ERCC8: variants seen among roughly 807,000 people sequenced by gnomAD.
ERCC8 encodes ERCC excision repair 8, CSA ubiquitin ligase complex subunit, also known as DNA excision repair protein ERCC-8.
Under a neutral mutation model 54.9 loss-of-function variants are expected in ERCC8, and 52 were observed. The ratio of observed to expected loss-of-function variants is 0.95; its 90% CI spans 0.76 to 1.19. The LOEUF (loss-of-function observed/expected upper bound fraction) is 1.19, where lower values mean the gene tolerates loss of function less well. Ranked by LOEUF, ERCC8 falls within the 50% of genes most tolerant of loss-of-function variation. The pLI, the probability that ERCC8 is intolerant of heterozygous loss-of-function variation, is 0.00. For missense variants in ERCC8, 514 were observed against 466.1 expected, an observed-to-expected ratio of 1.10 and a Z score of -0.95; for synonymous variants, 146 against 157.2, an observed-to-expected ratio of 0.93 and a Z score of 0.53.
intron 3 of ERCC8, among the ~76,000 whole-genome samples, chr5:60,920,180 T>C (rs577589207): frequency 6.6e-6 from 1 of 152,068 alleles, no homozygotes; most frequent in Admixed American, 6.6e-5. Context: ...CTGACTTCTT[T>C]TGTTTTCTGC....
chr5:60,886,875 C>CA (rs1367408080), intron 11 of ERCC8, among the ~76,000 whole-genome samples: 2 of 151,764 alleles, frequency 1.3e-5, no homozygotes, highest in Non-Finnish European at 2.9e-5. Context: ...TTGATGTTTA[C>CA]AATAATCAAC....
rs1431486011 is a variant in ERCC8 at position 60,904,640 on chromosome 5, A to G, written c.481+152T>C. On this transcript the variant is annotated intron_variant, in intron 5 of 11. Coordinates refer to ENST00000676185, the MANE Select transcript of ERCC8 (RefSeq NM_000082.4). ...ATATATAGTGTGTGTGTGTGTATAT[A>G]TATATATATATATATATATATATAT... 7.8e-3 allele frequency: 307 copies of G among 39,302 alleles called. 3 individuals carry two copies. The highest frequency in any genetic ancestry group is 0.045 in the African/African-American group (249 of 5,494). The allele number at this position is 39,302 out of a possible 1,614,324, so 2.4% of individuals were successfully genotyped here. A position where few individuals can be genotyped will look rare whatever the true frequency, so the allele number is the denominator to read the frequency against.
chr5:60,892,918 T>A (rs1279896700), intron 9 of ERCC8: 6 of 742,064 alleles, frequency 8.1e-6, no homozygotes, highest in Admixed American at 7.3e-5. Flanking sequence ...TGGATGTGGG[T>A]GCGCATTTCA....
At chr5:60,904,974 TTGAC>T (rs953034082) in intron 4 of ERCC8, 101 bp from the exon 5 acceptor site, 2 of 605,614 alleles carry the variant, frequency 3.3e-6, no homozygotes, top group African/African-American at 3.7e-5. Flanking sequence ...TATTTTTAAA[TTGAC>T]TGTTAGCAAT....
chr5:60,919,397 A>C (rs1469995476), intron 3 of ERCC8: 1 of 151,892 alleles, frequency 6.6e-6, no homozygotes, highest in Non-Finnish European at 1.5e-5. Context: ...TTAACAGAAG[A>C]CTTCTGCAAC....
intron 4 of ERCC8, among the ~76,000 whole-genome samples, chr5:60,916,355 A>G (rs1749435062): frequency 6.6e-6 from 1 of 152,018 alleles, no homozygotes; most frequent in Non-Finnish European, 1.5e-5. Context: ...TTTAATGACA[A>G]ATGTCCAAAG....
intron 4 of ERCC8, among the ~76,000 whole-genome samples, chr5:60,910,138 T>C (rs1205148441): frequency 6.6e-6 from 1 of 152,080 alleles, no homozygotes; most frequent in African/African-American, 2.4e-5. Flanking sequence ...GTGATGGGGG[T>C]CAGCTTCCCT....
chr5:60,912,648 G>A (rs1749304343), intron 4 of ERCC8, among the ~76,000 whole-genome samples: 1 of 152,116 alleles, frequency 6.6e-6, no homozygotes, highest in Admixed American at 6.5e-5. Context: ...AGTGGTGAGA[G>A]AGGGCATCCC....
At chr5:60,905,511 C>T (rs1749046264) in intron 4 of ERCC8, among the ~76,000 whole-genome samples, 1 of 152,162 alleles carries the variant, frequency 6.6e-6, no homozygotes, top group South Asian at 2.1e-4. Flanking sequence ...CCCTGGGTGA[C>T]CCCAAATGTC....
At chr5:60,876,412 G>A (rs147273502) in intron 11 of ERCC8, among the ~76,000 whole-genome samples, 321 of 152,248 alleles carry the variant, frequency 2.1e-3, no homozygotes, top group Non-Finnish European at 3.7e-3. Context: ...GGATGGCTGG[G>A]TCAAATGGTA....
intron 9 of ERCC8, chr5:60,893,010 G>A: frequency 1.3e-6 from 1 of 778,652 alleles, no homozygotes. Context: ...GGCCTTGAAA[G>A]CCACAGTTGG....
chr5:60,877,209 T>C (rs1408347236), intron 11 of ERCC8, among the ~76,000 whole-genome samples: 1 of 152,228 alleles, frequency 6.6e-6, no homozygotes. Context: ...GCATTACTTC[T>C]GAGGGCTCTG....
intron 4 of ERCC8, among the ~76,000 whole-genome samples, chr5:60,905,569 A>C (rs1270044672): frequency 6.6e-6 from 1 of 152,244 alleles, no homozygotes. Context: ...AGGTGTTGGC[A>C]AACTTTCTTT....
chr5:60,879,767 G>A (rs1342541656), intron 11 of ERCC8, among the ~76,000 whole-genome samples: 6 of 152,064 alleles, frequency 3.9e-5, no homozygotes, highest in South Asian at 2.1e-4. Flanking sequence ...GTCTCTCCAC[G>A]TGAGATGGGT....
intron 9 of ERCC8, chr5:60,892,199 G>T: frequency 1.9e-6 from 1 of 527,674 alleles, no homozygotes; most frequent in Non-Finnish European, 3.8e-6. Flanking sequence ...ATGACGATTC[G>T]GATTGGTGCA....
intron 1 of ERCC8, among the ~76,000 whole-genome samples, chr5:60,943,876 A>C (rs1455376081): frequency 1.3e-5 from 2 of 151,774 alleles, no homozygotes; most frequent in Non-Finnish European, 2.9e-5. Flanking sequence ...TGACACTGGC[A>C]AAAAAAACAC....
chr5:60,939,214 T>C (rs1222873406), intron 1 of ERCC8, among the ~76,000 whole-genome samples: 1 of 152,220 alleles, frequency 6.6e-6, no homozygotes, highest in African/African-American at 2.4e-5. Context: ...AAAAAAAATT[T>C]CGCAGCCATA....
intron 9 of ERCC8, among the ~76,000 whole-genome samples, chr5:60,897,680 A>G (rs1748760033): frequency 6.6e-6 from 1 of 152,226 alleles, no homozygotes; most frequent in South Asian, 2.1e-4. Flanking sequence ...ATAAAGTACT[A>G]CATATTCTGG....
chr5:60,897,241 A>T (rs1210361388), intron 9 of ERCC8, among the ~76,000 whole-genome samples: 1 of 152,190 alleles, frequency 6.6e-6, no homozygotes, highest in Non-Finnish European at 1.5e-5. Flanking sequence ...TATGTGAAAC[A>T]GCAACTCCAA....
Sources: allele counts gnomAD v4.1 joint callset (sites outside exome capture counted in the v4.1 genomes callset), GRCh38; gene constraint gnomAD v4.1.1; transcripts MANE v1.5; gene names NCBI Gene and HGNC (gene_info 2026-07-23, HGNC 2026-07-21).